The following PKHD1 variants were observed in gnomAD, a reference collection of about 807,000 sequenced individuals.
PKHD1 encodes fibrocystin.
In PKHD1, 291 loss-of-function variants were observed where a neutral mutation model predicts 412.0. That is an observed-to-expected ratio of 0.71 (90% CI 0.64 to 0.78). The LOEUF is 0.78. PKHD1 is among the 30% of genes least tolerant of loss of function. The pLI is 0.00. For missense variants in PKHD1, 4,825 were observed against 4,950.7 expected (o/e 0.97, Z 0.76); for synonymous variants, 1,777 against 1,821.5 (o/e 0.98, Z 0.62).
At chr6:51,862,314 A>G (rs1774321269) in intron 48 of PKHD1, among the ~76,000 whole-genome samples, 1 of 152,242 alleles carries the variant, frequency 6.6e-6, no homozygotes, top group Non-Finnish European at 1.5e-5. Context: ...GCAACCTTTT[A>G]TTATTCATAA....
chr6:51,854,460 G>A (rs1393968521), intron 49 of PKHD1, among the ~76,000 whole-genome samples: 1 of 152,128 alleles, frequency 6.6e-6, no homozygotes, highest in Admixed American at 6.5e-5. Flanking sequence ...TTGGTGGAGA[G>A]GGTGTGTTTC....
intron 32 of PKHD1, among the ~76,000 whole-genome samples, 180 bp downstream of exon 32, chr6:52,024,393 AT>A (rs1379067947): frequency 2.6e-5 from 4 of 152,238 alleles, no homozygotes; most frequent in Admixed American, 6.5e-5. Context: ...AATAAAAAAA[AT>A]CTTCATAAAC....
chr6:52,087,195 G>C (rs1476692753), intron 1 of PKHD1, among the ~76,000 whole-genome samples: 1 of 152,086 alleles, frequency 6.6e-6, no homozygotes, highest in Non-Finnish European at 1.5e-5. Flanking sequence ...ACAGAGGAGA[G>C]CTGTGTGCAT....
chr6:51,761,333 A>G (rs1459211342), intron 55 of PKHD1, among the ~76,000 whole-genome samples: 1 of 152,138 alleles, frequency 6.6e-6, no homozygotes, highest in African/African-American at 2.4e-5. Flanking sequence ...GCCCAAGAAG[A>G]CAAATACCAC....
chr6:51,657,365 T>C (rs1023224371), intron 61 of PKHD1, among the ~76,000 whole-genome samples: 2 of 152,138 alleles, frequency 1.3e-5, no homozygotes, highest in Non-Finnish European at 2.9e-5. Flanking sequence ...CTAATTCTCA[T>C]TGAATGCCAT....
chr6:51,633,699 T>A (rs552154690), intron 64 of PKHD1, among the ~76,000 whole-genome samples: 52 of 152,182 alleles, frequency 3.4e-4, no homozygotes, highest in African/African-American at 1.1e-3. Context: ...GACAAAACTA[T>A]AGAGTTAAAG....
At chr6:51,692,996 T>A (rs576565880) in intron 60 of PKHD1, among the ~76,000 whole-genome samples, 1 of 152,222 alleles carries the variant, frequency 6.6e-6, no homozygotes, top group African/African-American at 2.4e-5. Context: ...TTCTCTCTTA[T>A]CTTTGTTTCT....
Position 52,070,422 on chromosome 6 carries a change from C to A in PKHD1, c.691G>T (p.Val231Leu). 6.2e-7 allele frequency: 1 copy of A among 1,609,478 alleles called. No individual in the cohort carries two copies. The highest frequency in any genetic ancestry group is 8.5e-7 in the Non-Finnish European group (1 of 1,175,996). ...YIGSQNVSFS[V>L]FNKGKSMVHK... is the part of the protein sequence containing the mutation. ...GTTACTTACTTTCCTTTGTTAAATACTGAGAAGCTAACATTCTGGGAGCCT... is the reference window on the plus strand; with the variant it reads ...GTTACTTACTTTCCTTTGTTAAATAATGAGAAGCTAACATTCTGGGAGCCT... Residue 231 changes from valine (V) to leucine (L), a missense_variant, in exon 10 of 67, where the codon GTA becomes TTA. Transcript: ENST00000371117.
In PKHD1 at chr6:52,058,618, A is replaced by C. The variant is rs1808170111; in HGVS notation, c.1234-17T>G. On this transcript the variant is annotated splice_polypyrimidine_tract_variant and intron_variant, in intron 15 of 66. Transcript: ENST00000371117. ...CACTTTCACCTATGCCCAAATAAGC[A>C]TATCATGATCAATACTATGCAGCTT... The C allele has an allele frequency of 6.2e-7, 1 of 1,612,838 alleles. No individual in the cohort carries two copies. Among genetic ancestry groups the C allele is most frequent in the Non-Finnish European group, 8.5e-7 (1 of 1,179,488 alleles).
At chr6:51,638,768 TCCCACTATAAGGG>T in intron 64 of PKHD1, 68 bp downstream of exon 64, 2 of 825,496 alleles carry the variant, frequency 2.4e-6, no homozygotes, top group Non-Finnish European at 4.0e-6. Flanking sequence ...TAGTAGCTAT[TCCCACTATAAGGG>T]AGAAAGGATT....
intron 43 of PKHD1, among the ~76,000 whole-genome samples, chr6:51,891,720 C>T: frequency 6.8e-6 from 1 of 146,220 alleles, no homozygotes; most frequent in East Asian, 2.1e-4. Context: ...GGAACACACA[C>T]ACACACACAC....
intron 60 of PKHD1, among the ~76,000 whole-genome samples, chr6:51,705,501 G>T (rs1293515563): frequency 1.3e-5 from 2 of 152,024 alleles, no homozygotes; most frequent in Non-Finnish European, 2.9e-5. Flanking sequence ...GGGTCAAAGA[G>T]CCTCAAAAAT....
intron 15 of PKHD1, 99 bp from the exon 16 acceptor site, chr6:52,058,700 T>C (rs1808188707): frequency 2.4e-6 from 3 of 1,238,166 alleles, no homozygotes; most frequent in South Asian, 1.2e-5. Flanking sequence ...AAGAGAGTTT[T>C]GAACTGGTCT....
At position 51,659,538 on chromosome 6, in the gene PKHD1, A is replaced by G; in HGVS notation, c.10588T>C (p.Ser3530Pro). Residue 3530 changes from serine (S) to proline (P), a missense_variant, in exon 61 of 67, where the codon TCT becomes CCT. Physicochemically the swap from Ser to Pro is moderately conservative, Grantham distance 74. Transcript: ENST00000371117. ...VQSASLLLNE[S>P]IGANYFNIMD... ...ATGTTGAAATAGTTGGCACCAATAG[A>G]TTCATTCAGCAATAAGGAAGCTGAC... 6.2e-7 allele frequency: 1 copy of G among 1,613,670 alleles called. No individual in the cohort carries two copies. The highest frequency in any genetic ancestry group is 2.2e-5 in the East Asian group (1 of 44,832).
At chr6:51,925,449 GTGTGTA>G (rs1413134337) in intron 37 of PKHD1, among the ~76,000 whole-genome samples, 2 of 99,644 alleles carry the variant, frequency 2.0e-5, no homozygotes, top group South Asian at 7.8e-4. Context: ...GTGTGTGTGT[GTGTGTA>G]TGTGTGTGTG....
chr6:51,802,657 A>T (rs970037089), intron 52 of PKHD1, among the ~76,000 whole-genome samples: 2 of 151,644 alleles, frequency 1.3e-5, no homozygotes, highest in Non-Finnish European at 2.9e-5. Flanking sequence ...TACCCTGAAT[A>T]GAAAAATATG....
chr6:52,030,695 G>C (rs1465652441), intron 29 of PKHD1, among the ~76,000 whole-genome samples: 1 of 152,038 alleles, frequency 6.6e-6, no homozygotes, highest in Non-Finnish European at 1.5e-5. Context: ...GGGAAGATGA[G>C]AGAGGGGGGT....
At chr6:51,737,911 G>T (rs1380944312) in intron 60 of PKHD1, among the ~76,000 whole-genome samples, 1 of 152,112 alleles carries the variant, frequency 6.6e-6, no homozygotes, top group Non-Finnish European at 1.5e-5. Flanking sequence ...AATGAGGGGG[G>T]TTTGTTTTGT....
At chr6:51,903,523 T>C (rs1280975578) in intron 43 of PKHD1, 74 bp downstream of exon 43, 10 of 1,366,668 alleles carry the variant, frequency 7.3e-6, no homozygotes, top group South Asian at 5.8e-5. Context: ...AGCCAAAAGG[T>C]TGGACACCCC....
Sources: gnomAD v4.1 joint callset for allele counts (sites outside exome capture counted in the v4.1 genomes callset) on GRCh38, gnomAD v4.1.1 for gene constraint, MANE v1.5 for transcripts, NCBI Gene and HGNC (gene_info 2026-07-23, HGNC 2026-07-21) for gene names.